Variants in ADCY2 observed in about 807,000 individuals in gnomAD.
The protein encoded by ADCY2 is adenylate cyclase type 2.
In ADCY2, 31 loss-of-function variants were observed where a neutral mutation model predicts 125.2. That is an observed-to-expected ratio of 0.25 (90% CI 0.19 to 0.33). The LOEUF (loss-of-function observed/expected upper bound fraction) is 0.33, where lower values mean the gene tolerates loss of function less well. Ranked by LOEUF, ADCY2 falls within the 10% of genes least tolerant of loss-of-function variation. The pLI is 1.00. For synonymous variants in ADCY2, 512 were observed against 548.4 expected (o/e 0.93, Z 0.93); for missense variants, 904 against 1,418.2 (o/e 0.64, Z 5.82).
chr5:7,612,554 G>A (rs1338116637), intron 3 of ADCY2, among the ~76,000 whole-genome samples: 1 of 152,218 alleles, frequency 6.6e-6, no homozygotes, highest in African/African-American at 2.4e-5. Context: ...CTACCCTGAA[G>A]CAGGAATGCT....
At chr5:7,438,271 A>C (rs10079876) in intron 2 of ADCY2, among the ~76,000 whole-genome samples, 2,214 of 152,318 alleles carry the variant, frequency 0.015, 58 homozygotes, top group African/African-American at 0.051. Context: ...TCAGTTCAAC[A>C]AGTAATTATG....
At position 7,804,576 on chromosome 5, in the gene ADCY2, G is replaced by A; in HGVS notation, c.2776-9G>A. 1.2e-6 allele frequency: 2 copies of A among 1,611,090 alleles called. No homozygotes were observed. Among genetic ancestry groups the A allele is most frequent in the Non-Finnish European group, 1.7e-6 (2 of 1,177,204 alleles). The stretch of plus-strand genomic sequence containing the variant: ...GCTGAGTAACTGGACGGTTGTCATT[G>A]CTTCACAGCTTCTTTCCAAGCCAAA... On this transcript the variant is annotated splice_polypyrimidine_tract_variant and intron_variant, in intron 21 of 24. Transcript: ENST00000338316.
At chr5:7,434,164 A>G (rs556785706) in intron 2 of ADCY2, among the ~76,000 whole-genome samples, 1 of 152,282 alleles carries the variant, frequency 6.6e-6, no homozygotes, top group South Asian at 2.1e-4. Flanking sequence ...CATTCTGCAT[A>G]TTTGCAGCTA....
chr5:7,626,380 T>C, intron 4 of ADCY2, 64 bp downstream of exon 4: 2 of 1,554,966 alleles, frequency 1.3e-6, no homozygotes, highest in Non-Finnish European at 1.8e-6. Flanking sequence ...GCTGTTACTA[T>C]TAATGTTGAG....
At position 7,717,070 on chromosome 5, in the gene ADCY2, G is replaced by A. The variant is rs573010810; in HGVS notation, c.1623-87G>A. The A allele has an allele frequency of 6.2e-6, 5 of 807,388 alleles. No individual in the cohort carries two copies. The South Asian group carries it at 7.1e-5, about 12-fold the overall frequency. The allele number at this position is 807,388 out of a possible 1,614,324, so 50.0% of individuals were successfully genotyped here. A position where few individuals can be genotyped will look rare whatever the true frequency, so the allele number is the denominator to read the frequency against. ...AATGTCATCTGTATCTCATAAGGAT[G>A]TAAAATATTATGTATCTCTAAAAAA... On this transcript the variant is annotated intron_variant, in intron 11 of 24. Transcript: ENST00000338316.
intron 6 of ADCY2, among the ~76,000 whole-genome samples, chr5:7,696,308 A>G (rs563662271): frequency 2.0e-5 from 3 of 152,294 alleles, no homozygotes; most frequent in South Asian, 2.1e-4. Context: ...TAGAATGCAT[A>G]TCTTCCATGC....
chr5:7,767,783 C>A (rs1743432934), intron 17 of ADCY2, among the ~76,000 whole-genome samples: 1 of 152,024 alleles, frequency 6.6e-6, no homozygotes, highest in Non-Finnish European at 1.5e-5. Flanking sequence ...GTAATCTCAG[C>A]ACTTTGGGAG....
At chr5:7,722,456 A>G (rs1244338816) in intron 12 of ADCY2, among the ~76,000 whole-genome samples, 2 of 152,336 alleles carry the variant, frequency 1.3e-5, no homozygotes, top group South Asian at 2.1e-4. Context: ...ATAGTTTGAT[A>G]AAGACACCGT....
intron 7 of ADCY2, 104 bp from the exon 8 acceptor site, chr5:7,706,640 A>T: frequency 2.9e-6 from 4 of 1,374,304 alleles, no homozygotes; most frequent in Non-Finnish European, 4.1e-6. Context: ...GTCATTTCCG[A>T]CAGTTTGAAA....
At chr5:7,666,308 A>G (rs74288299) in intron 4 of ADCY2, among the ~76,000 whole-genome samples, 7 of 147,186 alleles carry the variant, frequency 4.8e-5, no homozygotes, top group East Asian at 4.2e-4. Flanking sequence ...CCATTTTGTC[A>G]CCCAGGCTGG....
intron 6 of ADCY2, among the ~76,000 whole-genome samples, chr5:7,697,319 G>T (rs1383129132): frequency 6.6e-6 from 1 of 152,154 alleles, no homozygotes; most frequent in Non-Finnish European, 1.5e-5. Context: ...ACCCTCGGCT[G>T]ACTATCCAGC....
chr5:7,815,337 T>C (rs565519390), intron 22 of ADCY2, among the ~76,000 whole-genome samples: 5 of 152,162 alleles, frequency 3.3e-5, no homozygotes, highest in African/African-American at 1.2e-4. Context: ...AGGCACTGGC[T>C]TCCGTGCTAA....
At chr5:7,631,144 A>G (rs1738296813) in intron 4 of ADCY2, among the ~76,000 whole-genome samples, 1 of 151,430 alleles carries the variant, frequency 6.6e-6, no homozygotes, top group East Asian at 1.9e-4. Context: ...TCTGACTCCA[A>G]CCCTCCTGCT....
At chr5:7,723,510 T>A (rs1457636491) in intron 12 of ADCY2, among the ~76,000 whole-genome samples, 1 of 152,188 alleles carries the variant, frequency 6.6e-6, no homozygotes, top group African/African-American at 2.4e-5. Context: ...CATACTTCCA[T>A]ATAATTTTTA....
At chr5:7,637,265 T>A (rs1738540949) in intron 4 of ADCY2, among the ~76,000 whole-genome samples, 1 of 150,606 alleles carries the variant, frequency 6.6e-6, no homozygotes, top group South Asian at 2.1e-4. Context: ...AGGTCAGGAG[T>A]TCAAGACCAG....
rs564798901 is a variant in ADCY2 at position 7,708,345 on chromosome 5, C to T, written c.1401+507C>T. 1.9e-4 allele frequency among the ~76,000 whole-genome samples: 29 copies of T among 152,254 alleles called. 2 individuals carry two copies. The South Asian group carries it at 4.1e-3, about 22-fold the overall frequency. On this transcript the variant is annotated intron_variant, in intron 9 of 24. Coordinates refer to ENST00000338316, the MANE Select transcript of ADCY2 (RefSeq NM_020546.3). ...TTGTCTGTATGCACAAGCATATTTA[C>T]CTTCCGTAACATAAGAACATCTACT...
intron 4 of ADCY2, among the ~76,000 whole-genome samples, chr5:7,660,050 G>C (rs1358093959): frequency 6.6e-6 from 1 of 151,980 alleles, no homozygotes; most frequent in African/African-American, 2.4e-5. Flanking sequence ...AAGGTGGGAG[G>C]GGCCATGGGT....
chr5:7,785,823 A>G (rs2126499859), intron 19 of ADCY2, among the ~76,000 whole-genome samples: 1 of 152,210 alleles, frequency 6.6e-6, no homozygotes, highest in East Asian at 1.9e-4. Context: ...ACAGCAGCAA[A>G]TTTTAAGAAA....
At chr5:7,538,457 G>A (rs936073345) in intron 3 of ADCY2, among the ~76,000 whole-genome samples, 1 of 152,110 alleles carries the variant, frequency 6.6e-6, no homozygotes, top group African/African-American at 2.4e-5. Context: ...AACGGTGGCT[G>A]TTTATTAGGT....
Sources: gnomAD v4.1 joint callset for allele counts (sites outside exome capture counted in the v4.1 genomes callset) on GRCh38, gnomAD v4.1.1 for gene constraint, MANE v1.5 for transcripts, NCBI Gene and HGNC (gene_info 2026-07-23, HGNC 2026-07-21) for gene names.